C18orf54: variants seen among roughly 807,000 people sequenced by gnomAD.
C18orf54 encodes the protein chromosome 18 open reading frame 54, also known as lung adenoma susceptibility protein 2.
In C18orf54, 49 loss-of-function variants were observed where a neutral mutation model predicts 49.3. The ratio of observed to expected loss-of-function variants is 0.99; its 90% CI spans 0.79 to 1.26. The LOEUF is 1.26. C18orf54 is among the 50% of genes most tolerant of loss of function. The pLI, the probability that C18orf54 is intolerant of heterozygous loss-of-function variation, is 0.00. For synonymous variants in C18orf54, 211 were observed against 216.6 expected, an observed-to-expected ratio of 0.97 and a Z score of 0.23; for missense variants, 687 against 620.6, an observed-to-expected ratio of 1.11 and a Z score of -1.14.
At chr18:54,359,333 C>A (rs1310394597) in intron 2 of C18orf54, among the ~76,000 whole-genome samples, 2 of 152,188 alleles carry the variant, frequency 1.3e-5, no homozygotes, top group Non-Finnish European at 2.9e-5. Context: ...TTAGTTTAGC[C>A]ATTCGTCAGA....
chr18:54,366,493 T>C (rs1234491420), intron 6 of C18orf54, among the ~76,000 whole-genome samples: 1 of 152,098 alleles, frequency 6.6e-6, no homozygotes, highest in Non-Finnish European at 1.5e-5. Flanking sequence ...CAATATTCTG[T>C]TGTCTATATA....
chr18:54,374,115 G>C (rs2089532657), intron 7 of C18orf54, 99 bp from the exon 8 acceptor site: 1 of 1,006,250 alleles, frequency 9.9e-7, no homozygotes, highest in Non-Finnish European at 1.4e-6. Flanking sequence ...TGGAAATGTA[G>C]AAAATATTTT....
chr18:54,360,362 A>G (rs2089239779), intron 2 of C18orf54, among the ~76,000 whole-genome samples, 165 bp from the exon 3 acceptor site: 1 of 152,232 alleles, frequency 6.6e-6, no homozygotes, highest in South Asian at 2.1e-4. Flanking sequence ...AGGAATTCAC[A>G]ATAATAAATA....
intron 8 of C18orf54, among the ~76,000 whole-genome samples, chr18:54,377,349 G>A (rs1055930125): frequency 2.0e-5 from 3 of 152,042 alleles, no homozygotes; most frequent in Admixed American, 6.6e-5. Flanking sequence ...CACTGCTTCC[G>A]GCCCTTCCTG....
chr18:54,375,239 A>G (rs1010444567), intron 8 of C18orf54, among the ~76,000 whole-genome samples: 3 of 151,864 alleles, frequency 2.0e-5, no homozygotes, highest in Non-Finnish European at 4.4e-5. Flanking sequence ...ATTGAATATA[A>G]TTCATGTGAT....
chr18:54,372,572 C>A lies in C18orf54; in HGVS notation c.1433C>A (p.Thr478Lys). Residue 478 changes from threonine (T) to lysine (K), a missense_variant, in exon 7 of 9, where the codon ACA becomes AAA. Transcript: ENST00000620105. ...VQERFNQNKT[T>K]DPKEEIKQVS... ...GAACGTTTTAATCAAAATAAGACCA[C>A]AGATCCAAAAGAAGAGATTAAACAA... The A allele has an allele frequency of 6.2e-7, 1 of 1,606,500 alleles. No homozygotes were observed. Among genetic ancestry groups the A allele is most frequent in the South Asian group, 1.1e-5 (1 of 89,258 alleles).
At chr18:54,377,071 C>T (rs1490418502) in intron 8 of C18orf54, among the ~76,000 whole-genome samples, 1 of 151,666 alleles carries the variant, frequency 6.6e-6, no homozygotes, top group Non-Finnish European at 1.5e-5. Context: ...TTTTGTTGCC[C>T]AGGCTGGAGG....
intron 6 of C18orf54, among the ~76,000 whole-genome samples, chr18:54,368,417 T>G (rs2089426405): frequency 6.6e-6 from 1 of 152,080 alleles, no homozygotes; most frequent in Non-Finnish European, 1.5e-5. Flanking sequence ...GTAGAGGTTT[T>G]CTGTTTGGAT....
intron 6 of C18orf54, among the ~76,000 whole-genome samples, chr18:54,367,555 T>G (rs2089409062): frequency 6.6e-6 from 1 of 152,126 alleles, no homozygotes; most frequent in African/African-American, 2.4e-5. Flanking sequence ...CATCCTCTCC[T>G]GGCCTTTAAG....
chr18:54,365,764 T>C lies in C18orf54; in HGVS notation c.1269T>C (p.Thr423=). 6.2e-7 allele frequency: 1 copy of C among 1,601,570 alleles called. No homozygotes were observed. Among genetic ancestry groups the C allele is most frequent in the Non-Finnish European group, 8.5e-7 (1 of 1,171,770 alleles). Residue 423 remains threonine (T), a synonymous_variant, in exon 6 of 9, where the codon ACT becomes ACC. Transcript: ENST00000620105. ...PVNSDDSPQQ[T]SRAKSAKGVL... is the part of the protein sequence containing the mutation. The stretch of plus-strand genomic sequence containing the variant: ...ACTCTGATGATAGTCCTCAACAAAC[T>C]TCAAGGGCAAAGAGTGCTAAAGGGG...
intron 6 of C18orf54, among the ~76,000 whole-genome samples, chr18:54,370,904 G>A (rs2089474911): frequency 6.6e-6 from 1 of 151,716 alleles, no homozygotes; most frequent in Non-Finnish European, 1.5e-5. Flanking sequence ...CTATCTCCCA[G>A]GGTGTAGGAG....
At chr18:54,359,710 G>C (rs530057035) in intron 2 of C18orf54, among the ~76,000 whole-genome samples, 10 of 152,142 alleles carry the variant, frequency 6.6e-5, no homozygotes, top group Non-Finnish European at 4.4e-5. Flanking sequence ...CTGAATTAGT[G>C]CCGGTTCGTT....
intron 7 of C18orf54, among the ~76,000 whole-genome samples, 193 bp from the exon 8 acceptor site, chr18:54,374,021 A>T (rs2089531209): frequency 6.6e-6 from 1 of 151,910 alleles, no homozygotes. Context: ...ACTTTAGGAC[A>T]GTTGAAAAAT....
intron 8 of C18orf54, among the ~76,000 whole-genome samples, chr18:54,376,585 C>T (rs1007336809): frequency 2.0e-5 from 3 of 152,190 alleles, no homozygotes; most frequent in African/African-American, 4.8e-5. Flanking sequence ...CCACCCACCT[C>T]GGCCTCCCAA....
chr18:54,361,511 T>C (rs1442978232), intron 3 of C18orf54, 132 bp from the exon 4 acceptor site: 4 of 735,438 alleles, frequency 5.4e-6, no homozygotes, highest in East Asian at 5.6e-5. Flanking sequence ...CACCTTTTTA[T>C]GCTTTTAATC....
intron 6 of C18orf54, among the ~76,000 whole-genome samples, chr18:54,370,573 T>C (rs998721507): frequency 2.6e-5 from 4 of 152,240 alleles, no homozygotes; most frequent in Admixed American, 2.0e-4. Flanking sequence ...AATGTCACTA[T>C]GGTTCTAAGA....
chr18:54,364,512 CTCAG>C (rs2089340948), intron 5 of C18orf54, among the ~76,000 whole-genome samples: 1 of 151,956 alleles, frequency 6.6e-6, no homozygotes, highest in South Asian at 2.1e-4. Flanking sequence ...AGGAATAGAT[CTCAG>C]TTTGAGATTG....
chr18:54,364,986 G>A (rs548637043), intron 5 of C18orf54, among the ~76,000 whole-genome samples: 1 of 152,122 alleles, frequency 6.6e-6, no homozygotes, highest in Admixed American at 6.5e-5. Context: ...AATAGAATTT[G>A]ATTCTCGGAG....
chr18:54,364,014 A>T (rs762583319), intron 5 of C18orf54: 7 of 152,112 alleles, frequency 4.6e-5, no homozygotes, highest in Non-Finnish European at 1.0e-4. Flanking sequence ...AATGAAAATG[A>T]AGTTTCTGAC....
Sources: allele counts gnomAD v4.1 joint callset (sites outside exome capture counted in the v4.1 genomes callset), GRCh38; gene constraint gnomAD v4.1.1; transcripts MANE v1.5; gene names NCBI Gene and HGNC (gene_info 2026-07-23, HGNC 2026-07-21).